Variants in RCAN1 observed in about 807,000 individuals in gnomAD.
RCAN1 encodes the protein regulator of calcineurin 1.
A neutral mutation model predicts 22.9 loss-of-function variants in RCAN1; 11 were observed. The ratio of observed to expected loss-of-function variants is 0.48; its 90% CI spans 0.30 to 0.79. RCAN1 has a LOEUF of 0.79. Among genes scored for constraint, RCAN1 ranks in the 30% least tolerant of loss-of-function variants. The pLI is 0.06. For synonymous variants in RCAN1, 136 were observed against 142.3 expected (o/e 0.96, Z 0.32); for missense variants, 291 against 337.8 (o/e 0.86, Z 1.09).
At chr21:34,529,695 T>G (rs573198417) in intron 1 of RCAN1, among the ~76,000 whole-genome samples, 4 of 152,330 alleles carry the variant, frequency 2.6e-5, no homozygotes, top group African/African-American at 9.6e-5. Flanking sequence ...TCTTGCTTGC[T>G]GGTTGGATGT....
At chr21:34,544,010 C>T (rs1227547656) in intron 1 of RCAN1, among the ~76,000 whole-genome samples, 1 of 152,212 alleles carries the variant, frequency 6.6e-6, no homozygotes, top group African/African-American at 2.4e-5. Context: ...TCCTCATTTG[C>T]AATTTGGGAA....
intron 1 of RCAN1, among the ~76,000 whole-genome samples, chr21:34,533,212 G>A (rs1985508214): frequency 6.6e-6 from 1 of 152,088 alleles, no homozygotes; most frequent in African/African-American, 2.4e-5. Flanking sequence ...TGCCTGCGTT[G>A]GCCTCCCAAA....
chr21:34,530,381 A>G (rs1233436628), intron 1 of RCAN1, among the ~76,000 whole-genome samples: 6 of 152,286 alleles, frequency 3.9e-5, no homozygotes, highest in Middle Eastern at 3.4e-3. Context: ...AGCATTCTGA[A>G]AGCATCATTA....
At chr21:34,528,430 T>C (rs1285482413) in intron 1 of RCAN1, among the ~76,000 whole-genome samples, 5 of 152,240 alleles carry the variant, frequency 3.3e-5, no homozygotes, top group Admixed American at 3.3e-4. Flanking sequence ...CATAAACGCA[T>C]GTATTCCAAA....
intron 1 of RCAN1, among the ~76,000 whole-genome samples, chr21:34,561,276 C>CTG (rs1275162917): frequency 6.6e-6 from 1 of 152,138 alleles, no homozygotes; most frequent in Non-Finnish European, 1.5e-5. Flanking sequence ...CAAACTAGTG[C>CTG]TGTGTTGACA....
intron 1 of RCAN1, among the ~76,000 whole-genome samples, chr21:34,537,768 T>A (rs1246050440): frequency 6.6e-6 from 1 of 152,264 alleles, no homozygotes; most frequent in African/African-American, 2.4e-5. Context: ...GTTCTATGCC[T>A]AACAATTTAC....
chr21:34,535,447 G>A (rs555586872), intron 1 of RCAN1, among the ~76,000 whole-genome samples: 5 of 150,374 alleles, frequency 3.3e-5, no homozygotes, highest in African/African-American at 4.9e-5. Flanking sequence ...AGAATGCCCC[G>A]GAGAAAATAC....
At chr21:34,598,228 A>G (rs1988226895) in intron 1 of RCAN1, among the ~76,000 whole-genome samples, 1 of 152,238 alleles carries the variant, frequency 6.6e-6, no homozygotes, top group Non-Finnish European at 1.5e-5. Context: ...AGAGTTCCCA[A>G]AGAAGAAGCA....
At chr21:34,572,930 C>G (rs1987282331) in intron 1 of RCAN1, among the ~76,000 whole-genome samples, 1 of 152,158 alleles carries the variant, frequency 6.6e-6, no homozygotes, top group Non-Finnish European at 1.5e-5. Flanking sequence ...ACAAGAATAG[C>G]AAGGGGGGAA....
chr21:34,592,974 G>A (rs1364070498), intron 1 of RCAN1, among the ~76,000 whole-genome samples: 2 of 152,200 alleles, frequency 1.3e-5, no homozygotes, highest in East Asian at 3.8e-4. Flanking sequence ...GTACCCATGA[G>A]GGCTTCAGTA....
At chr21:34,563,763 A>ACC (rs1568911124) in intron 1 of RCAN1, among the ~76,000 whole-genome samples, 13 of 91,628 alleles carry the variant, frequency 1.4e-4, no homozygotes, top group East Asian at 8.3e-4. Flanking sequence ...CCAAAAAAAA[A>ACC]AAAAAAAATA....
At chr21:34,582,594 G>A (rs140587999) in intron 1 of RCAN1, among the ~76,000 whole-genome samples, 4 of 152,158 alleles carry the variant, frequency 2.6e-5, no homozygotes, top group East Asian at 1.9e-4. Flanking sequence ...TTGGAGACGC[G>A]AGGAGGAGCT....
chr21:34,528,213 G>A (rs1477512518), intron 1 of RCAN1, among the ~76,000 whole-genome samples: 1 of 152,200 alleles, frequency 6.6e-6, no homozygotes, highest in Non-Finnish European at 1.5e-5. Flanking sequence ...AATCATTAAA[G>A]TCAGCCAATA....
intron 1 of RCAN1, among the ~76,000 whole-genome samples, chr21:34,588,688 T>A (rs992152156): frequency 6.6e-6 from 1 of 152,206 alleles, no homozygotes; most frequent in Non-Finnish European, 1.5e-5. Context: ...TGTGTATGTA[T>A]CTAAAAGAAT....
intron 1 of RCAN1, among the ~76,000 whole-genome samples, chr21:34,572,874 A>G (rs767412051): frequency 2.8e-4 from 42 of 152,168 alleles, no homozygotes; most frequent in Middle Eastern, 3.2e-3. Flanking sequence ...GAAAGGGGAG[A>G]TGCTATACAC....
chr21:34,541,924 A>G (rs759285852), intron 1 of RCAN1, among the ~76,000 whole-genome samples: 12 of 151,946 alleles, frequency 7.9e-5, no homozygotes, highest in Non-Finnish European at 1.3e-4. Context: ...ACAGAGTGAG[A>G]CTCCATCTCA....
chr21:34,580,474 T>A (rs1489652161), intron 1 of RCAN1, among the ~76,000 whole-genome samples: 2 of 152,168 alleles, frequency 1.3e-5, no homozygotes, highest in African/African-American at 4.8e-5. Context: ...AGGCCTGTGT[T>A]AAAATATCAC....
chr21:34,529,768 C>T (rs1234275937), intron 1 of RCAN1, among the ~76,000 whole-genome samples: 2 of 152,160 alleles, frequency 1.3e-5, no homozygotes, highest in African/African-American at 4.8e-5. Context: ...TGGGCTGTGT[C>T]CCCACCAAAA....
intron 3 of RCAN1, among the ~76,000 whole-genome samples, chr21:34,520,442 C>T (rs1165524634): frequency 1.3e-5 from 2 of 152,310 alleles, no homozygotes; most frequent in African/African-American, 4.8e-5. Context: ...ACCTTCACGC[C>T]ACAATTAGCA....
Sources: allele counts gnomAD v4.1 joint callset (sites outside exome capture counted in the v4.1 genomes callset), GRCh38; gene constraint gnomAD v4.1.1; transcripts MANE v1.5; gene names NCBI Gene and HGNC (gene_info 2026-07-23, HGNC 2026-07-21).